The following DNLZ variants were observed in gnomAD, a reference collection of about 807,000 sequenced individuals.
DNLZ encodes the protein DNL-type zinc finger, also known as DNL-type zinc finger protein.
Under a neutral mutation model 7.8 loss-of-function variants are expected in DNLZ, and 15 were observed. The ratio of observed to expected loss-of-function variants is 1.91; its 90% confidence interval spans 1.28 to 2.95. The LOEUF is 2.95. DNLZ is among the 30% of genes most tolerant of loss of function. The pLI is 0.00. For synonymous variants in DNLZ, 123 were observed against 77.8 expected (o/e 1.58, Z -3.05); for missense variants, 255 against 167.3 (o/e 1.52, Z -2.89).
chr9:136,363,418 G>C (rs1226739685), intron 1 of DNLZ, 69 bp downstream of exon 1: 1 of 758,766 alleles, frequency 1.3e-6, no homozygotes, highest in Non-Finnish European at 2.4e-6. Flanking sequence ...CCGGCGGGCC[G>C]CTTCTCCCCG....
rs1832954845 is a variant in DNLZ at position 136,360,046 on chromosome 9, G to A, written c.*1966C>T. 1 of 152,270 alleles carries A rather than the reference G, an allele frequency of 6.6e-6. No homozygotes were observed. 9.4% of individuals were successfully genotyped at this position (152,270 alleles called of 1,614,324 possible). A position where few individuals can be genotyped will look rare whatever the true frequency, so the allele number is the denominator to read the frequency against. ...AGCCGACGGCAGATCTGCAGTCTTG[G>A]GGCTTGTCTGGGCGCTGCTTGTGGT... On this transcript the variant is annotated 3_prime_UTR_variant, in exon 3 of 3. Coordinates refer to ENST00000371738, the MANE Select transcript of DNLZ (RefSeq NM_001080849.3).
At position 136,361,326 on chromosome 9, in the gene DNLZ, C is replaced by G. The variant is rs1003833157; in HGVS notation, c.*686G>C. On this transcript the variant is annotated 3_prime_UTR_variant, in exon 3 of 3. Transcript: ENST00000371738. ...AAATAAACAGGCTGCTGTGTTTGCT[C>G]GCTTTCATAAACACGGGAACATCCT... 1 of 152,248 alleles carries G rather than the reference C, an allele frequency of 6.6e-6. No individual in the cohort carries two copies. Among genetic ancestry groups the G allele is most frequent in the Non-Finnish European group, 1.5e-5 (1 of 68,044 alleles). The allele number at this position is 152,248 out of a possible 1,614,324, so 9.4% of individuals were successfully genotyped here.
intron 2 of DNLZ, 35 bp from the exon 3 acceptor site, chr9:136,362,215 C>T (rs571037486): frequency 4.1e-6 from 6 of 1,447,370 alleles, no homozygotes; most frequent in African/African-American, 3.0e-5. Flanking sequence ...CTCTTCAGGG[C>T]CCCCCAGCCG....
chr9:136,361,699 G>A lies in DNLZ; in HGVS notation c.*313C>T. On this transcript the variant is annotated 3_prime_UTR_variant, in exon 3 of 3. Coordinates refer to ENST00000371738, the MANE Select transcript of DNLZ (RefSeq NM_001080849.3). ...CTCAAAGTCACGCAGCGACAGCCAGGAAGGGCTCTGACGCCACATCCAGCC... is the reference window on the plus strand; with the variant it reads ...CTCAAAGTCACGCAGCGACAGCCAGAAAGGGCTCTGACGCCACATCCAGCC... 1 of 293,352 alleles carries A rather than the reference G, an allele frequency of 3.4e-6. No individual in the cohort carries two copies. Among genetic ancestry groups the A allele is most frequent in the Non-Finnish European group, 6.3e-6 (1 of 159,444 alleles). The allele number at this position is 293,352 out of a possible 1,614,324, so 18.2% of individuals were successfully genotyped here. A position where few individuals can be genotyped will look rare whatever the true frequency, so the allele number is the denominator to read the frequency against.
intron 2 of DNLZ, among the ~76,000 whole-genome samples, chr9:136,362,552 G>A (rs915781141): frequency 6.6e-6 from 1 of 152,190 alleles, no homozygotes; most frequent in African/African-American, 2.4e-5. Context: ...TCCCGGCCAG[G>A]CAAGGCCCGG....
At position 136,363,167 on chromosome 9, in the gene DNLZ, G is replaced by A. The variant is rs533842777; in HGVS notation, c.229-39C>T. ...GGTAGCTGGTGAGGCTGTGAGGGCC[G>A]CCACGCCCCTCCCGGGAAGACCCGC... On this transcript the variant is annotated intron_variant, in intron 1 of 2. Transcript: ENST00000371738. The A allele has an allele frequency of 3.7e-6, 6 of 1,605,846 alleles. No homozygotes were observed. In the African/African-American group the frequency reaches 8.0e-5, roughly 21 times the overall value.
Position 136,363,703 on chromosome 9 carries a change from A to C in DNLZ, c.12T>G (p.Thr4=), listed in dbSNP as rs1588718021. MLR[T]ALRGAPRLLS... is the part of the protein sequence containing the mutation. ...GCAACCTCGGCGCGCCGCGCAGCGC[A>C]GTCCGCAGCATCCCGCTCGCCGGCT... Residue 4 remains threonine (T), a synonymous_variant, in exon 1 of 3, where the codon ACT becomes ACG. Transcript: ENST00000371738. 3 of 457,750 alleles carry C rather than the reference A, an allele frequency of 6.6e-6. No homozygotes were observed. The highest frequency in any genetic ancestry group is 3.4e-5 in the South Asian group (1 of 29,658). The allele number at this position is 457,750 out of a possible 1,614,324, so 28.4% of individuals were successfully genotyped here.
chr9:136,363,060 G>A lies in DNLZ; in HGVS notation c.297C>T (p.Thr99=). Residue 99 remains threonine (T), a synonymous_variant, in exon 2 of 3, where the codon ACC becomes ACT. Coordinates refer to ENST00000371738, the MANE Select transcript of DNLZ (RefSeq NM_001080849.3). ...LAYHQGVVIV[T]CPGCQNHHII... The stretch of plus-strand genomic sequence containing the variant: ...TATGGTGGTTCTGGCAGCCGGGGCA[G>A]GTCACAATGACCACGCCTTGGTGAT... 1 of 1,613,786 alleles carries A rather than the reference G, an allele frequency of 6.2e-7. No homozygotes were observed.
chr9:136,362,044 G>A lies in DNLZ; in HGVS notation c.505C>T (p.Pro169Ser), dbSNP rs753683229. 8.0e-6 allele frequency: 11 copies of A among 1,383,344 alleles called. No individual in the cohort carries two copies. The highest frequency in any genetic ancestry group is 6.0e-5 in the African/African-American group (4 of 66,582). The allele number at this position is 1,383,344 out of a possible 1,614,324, so 85.7% of individuals were successfully genotyped here. A position where few individuals can be genotyped will look rare whatever the true frequency, so the allele number is the denominator to read the frequency against. Reference protein sequence around the residue: ...AAPEAGEDEGPPSPGKTEPS With the variant: ...AAPEAGEDEGSPSPGKTEPS The stretch of plus-strand genomic sequence containing the variant: ...GGCTCCGTCTTGCCAGGGCTGGGGG[G>A]ACCCTCATCCTCACCCGCTTCCGGA... Residue 169 changes from proline to serine, a missense_variant, in exon 3 of 3, where the codon CCC (proline) becomes TCC (serine). By Grantham distance (74) the Pro-to-Ser change is moderately conservative. Coordinates refer to ENST00000371738, the MANE Select transcript of DNLZ (RefSeq NM_001080849.3).
At chr9:136,362,413 G>A (rs1156230785) in intron 2 of DNLZ, among the ~76,000 whole-genome samples, 1 of 152,216 alleles carries the variant, frequency 6.6e-6, no homozygotes, top group Non-Finnish European at 1.5e-5. Flanking sequence ...CCCCCTATGT[G>A]CCAGAGGGAA....
In DNLZ at chr9:136,363,609, C is replaced by T; in HGVS notation, c.106G>A (p.Ala36Thr). The stretch of plus-strand genomic sequence containing the variant: ...CAGGCCCAGGCCCGCCGCCTCCCCG[C>T]GACCTCTGGACGGGCCCCGCGGCCC... Reference protein sequence around the residue: ...LWGRGARPEVAGRRRAWAWGW... With the variant: ...LWGRGARPEVTGRRRAWAWGW... Residue 36 changes from alanine (A) to threonine (T), a missense_variant, in exon 1 of 3, where the codon GCG (alanine) becomes ACG (threonine). Physicochemically the swap from Ala to Thr is moderately conservative, Grantham distance 58. Coordinates refer to ENST00000371738, the MANE Select transcript of DNLZ (RefSeq NM_001080849.3). The T allele has an allele frequency of 1.8e-6, 1 of 563,232 alleles. No individual in the cohort carries two copies. Among genetic ancestry groups the T allele is most frequent in the Non-Finnish European group, 3.1e-6 (1 of 317,854 alleles). The allele number at this position is 563,232 out of a possible 1,614,324, so 34.9% of individuals were successfully genotyped here. A position where few individuals can be genotyped will look rare whatever the true frequency, so the allele number is the denominator to read the frequency against.
In DNLZ at chr9:136,363,059, A is replaced by G. The variant is rs1179848633; in HGVS notation, c.298T>C (p.Cys100Arg). The G allele has an allele frequency of 3.7e-6, 6 of 1,613,630 alleles. No homozygotes were observed. The part of the protein sequence containing the change: ...AYHQGVVIVT[C>R]PGCQNHHIIA... Reference sequence around the variant, plus strand: ...ATATGGTGGTTCTGGCAGCCGGGGCAGGTCACAATGACCACGCCTTGGTGA... The same window carrying G: ...ATATGGTGGTTCTGGCAGCCGGGGCGGGTCACAATGACCACGCCTTGGTGA... Residue 100 changes from cysteine to arginine, a missense_variant, in exon 2 of 3, where the codon TGC becomes CGC. Transcript: ENST00000371738.
rs1024973833 is a variant in DNLZ at position 136,363,264 on chromosome 9, A to AC, written c.229-137dup. The stretch of plus-strand genomic sequence containing the variant: ...CCGCCCCCGAGGGATAGCTCCACCC[A>AC]CCCCCAACCTCGCCCTCTCCCGGGA... On this transcript the variant is annotated intron_variant, in intron 1 of 2. Transcript: ENST00000371738. 2,368 of 633,444 alleles carry AC rather than the reference A, an allele frequency of 3.7e-3. 26 individuals carry two copies. The highest frequency in any genetic ancestry group is 2.5e-3 in the Non-Finnish European group (1,194 of 483,600). The allele number at this position is 633,444 out of a possible 1,614,324, so 39.2% of individuals were successfully genotyped here.
At position 136,363,555 on chromosome 9, in the gene DNLZ, C is replaced by G. The variant is rs778430647; in HGVS notation, c.160G>C (p.Gly54Arg). 5 of 708,240 alleles carry G rather than the reference C, an allele frequency of 7.1e-6. No homozygotes were observed. Among genetic ancestry groups the G allele is most frequent in the South Asian group, 1.4e-5 (1 of 69,162 alleles). The allele number at this position is 708,240 out of a possible 1,614,324, so 43.9% of individuals were successfully genotyped here. ...WGWRRSSSEQ[G>R]PGPAAALGRV... ...CCCAGAGCCGCCGCGGGCCCCGGCC[C>G]CTGCTCGGAGCTTGAGCGCCGCCAG... The change falls in exon 1 of 3, where the codon GGG becomes CGG. Residue 54 changes from glycine (G) to arginine (R), a missense_variant. By Grantham distance (125) the Gly-to-Arg change is moderately radical. Coordinates refer to ENST00000371738, the MANE Select transcript of DNLZ (RefSeq NM_001080849.3).
Position 136,360,353 on chromosome 9 carries a change from G to A in DNLZ, c.*1659C>T, listed in dbSNP as rs11145937. 11,719 of 152,368 alleles carry A rather than the reference G, an allele frequency of 0.077. 580 individuals carry two copies. The highest frequency in any genetic ancestry group is 0.14 in the East Asian group (718 of 5,174). 9.4% of individuals were successfully genotyped at this position (152,368 alleles called of 1,614,324 possible). On this transcript the variant is annotated 3_prime_UTR_variant, in exon 3 of 3. Transcript: ENST00000371738. ...ACAGCCAGGGAAGCGCAGCAGTGCC[G>A]CCCACGCTACTGGCTGGGACAGCCT...
In DNLZ at chr9:136,362,182, T is replaced by G. The variant is rs1385647877; in HGVS notation, c.369-2A>C. ...GCCGTCAGGATCTCTTCGATATTTCTGGGGGGCAGGGAGGCAACATGGCTC... is the reference window on the plus strand; with the variant it reads ...GCCGTCAGGATCTCTTCGATATTTCGGGGGGGCAGGGAGGCAACATGGCTC... On this transcript the variant is annotated splice_acceptor_variant, in intron 2 of 2. Transcript: ENST00000371738. LOFTEE classifies it high-confidence loss of function. The G allele has an allele frequency of 1.3e-6, 2 of 1,484,910 alleles. No individual in the cohort carries two copies. The highest frequency in any genetic ancestry group is 2.7e-5 in the Admixed American group (1 of 37,020). The allele number at this position is 1,484,910 out of a possible 1,614,324, so 92.0% of individuals were successfully genotyped here.
chr9:136,362,726 G>A (rs1017721831), intron 2 of DNLZ, among the ~76,000 whole-genome samples: 3 of 152,202 alleles, frequency 2.0e-5, no homozygotes, highest in East Asian at 1.9e-4. Context: ...GATGGCAGAG[G>A]GCAGGCAGAG....
chr9:136,363,340 C>A, intron 1 of DNLZ, 147 bp downstream of exon 1: 1 of 695,850 alleles, frequency 1.4e-6, no homozygotes, highest in Non-Finnish European at 2.6e-6. Flanking sequence ...CGCCTCCGCT[C>A]CCTCCCAGAA....
chr9:136,362,230 GCACTT>G lies in DNLZ; in HGVS notation c.369-55_369-51del, dbSNP rs770935506. On this transcript the variant is annotated intron_variant, in intron 2 of 2. Transcript: ENST00000371738. ...CTCTTCAGGGCCCCCCAGCCGCCCT[GCACTT>G]CAGTCCCCTCAGGGCGCCCCATGGC... 13 of 1,427,912 alleles carry G rather than the reference GCACTT, an allele frequency of 9.1e-6. No individual in the cohort carries two copies. In the East Asian group the frequency reaches 1.7e-4, roughly 18 times the overall value. The allele number at this position is 1,427,912 out of a possible 1,614,324, so 88.5% of individuals were successfully genotyped here.
Sources: gnomAD v4.1 joint callset for allele counts (sites outside exome capture counted in the v4.1 genomes callset) on GRCh38, gnomAD v4.1.1 for gene constraint, MANE v1.5 for transcripts, NCBI Gene and HGNC (gene_info 2026-07-23, HGNC 2026-07-21) for gene names.